TGFA: variants seen among roughly 807,000 people sequenced by gnomAD.
The protein encoded by TGFA is protransforming growth factor alpha.
A neutral mutation model predicts 21.7 loss-of-function variants in TGFA; 12 were observed. That is an observed-to-expected ratio of 0.55 (90% CI 0.35 to 0.90). The LOEUF (loss-of-function observed/expected upper bound fraction) is 0.90. Ranked by LOEUF, TGFA falls within the 40% of genes least tolerant of loss-of-function variation. The pLI is 0.01. For missense variants in TGFA, 178 were observed against 210.8 expected, an observed-to-expected ratio of 0.84 and a Z score of 0.96; for synonymous variants, 79 against 88.1, an observed-to-expected ratio of 0.90 and a Z score of 0.58.
In TGFA at chr2:70,496,063, G is replaced by A. The variant is rs11466224; in HGVS notation, c.94+18796C>T. 4.7e-3 allele frequency among the ~76,000 whole-genome samples: 714 copies of A among 152,238 alleles called. 2 individuals are homozygous for A. Among genetic ancestry groups the A allele is most frequent in the African/African-American group, 0.015 (611 of 41,544 alleles). ...CTGAGCACTGAGGAGCCTGGCTGCC[G>A]TGGAGATCTCAGCTGAATACTGCAA... On this transcript the variant is annotated intron_variant, in intron 2 of 5. Coordinates refer to ENST00000295400, the MANE Select transcript of TGFA (RefSeq NM_003236.4).
intron 2 of TGFA, among the ~76,000 whole-genome samples, chr2:70,498,131 T>C (rs1671629929): frequency 6.6e-6 from 1 of 152,170 alleles, no homozygotes; most frequent in South Asian, 2.1e-4. Flanking sequence ...GGAAACAGAA[T>C]ATTACAAAAA....
chr2:70,453,194 C>A (rs782185921), intron 5 of TGFA, 24 bp downstream of exon 5: 2 of 1,600,316 alleles, frequency 1.2e-6, no homozygotes, highest in South Asian at 1.1e-5. Context: ...AATAGTGTCT[C>A]CCACCAGAGA....
At chr2:70,462,008 T>A (rs530912349) in intron 3 of TGFA, among the ~76,000 whole-genome samples, 1 of 152,330 alleles carries the variant, frequency 6.6e-6, no homozygotes, top group South Asian at 2.1e-4. Context: ...GGATGGAGTT[T>A]AAGACTTACG....
intron 2 of TGFA, among the ~76,000 whole-genome samples, chr2:70,491,753 C>T (rs1431923885): frequency 6.6e-6 from 1 of 152,132 alleles, no homozygotes; most frequent in Non-Finnish European, 1.5e-5. Context: ...TCCTCTGGCC[C>T]CCTAAGGAAA....
chr2:70,545,261 G>A (rs1673262076), intron 1 of TGFA, among the ~76,000 whole-genome samples: 3 of 151,796 alleles, frequency 2.0e-5, no homozygotes, highest in South Asian at 4.1e-4. Context: ...AGATGAAGAC[G>A]AAGAAAAAGA....
chr2:70,476,214 T>C (rs1391155525), intron 2 of TGFA, among the ~76,000 whole-genome samples: 1 of 152,130 alleles, frequency 6.6e-6, no homozygotes, highest in African/African-American at 2.4e-5. Flanking sequence ...ATCATTTCCT[T>C]CTTTCATCTC....
chr2:70,493,123 A>T (rs1671483387), intron 2 of TGFA, among the ~76,000 whole-genome samples: 1 of 152,198 alleles, frequency 6.6e-6, no homozygotes, highest in Non-Finnish European at 1.5e-5. Context: ...AAGAATGTAC[A>T]TGATAAAACC....
At chr2:70,499,263 A>T (rs1671667597) in intron 2 of TGFA, among the ~76,000 whole-genome samples, 1 of 152,224 alleles carries the variant, frequency 6.6e-6, no homozygotes. Context: ...GTATGGCCAT[A>T]TGAGTTGTTT....
Position 70,553,788 on chromosome 2 carries a change from A to G in TGFA, c.-21T>C. ...ACCATTTTACGGGCGGGCGGGCAGCAGGCTCTCCAGCCTCCTGCCCTACCT... is the reference window on the plus strand; with the variant it reads ...ACCATTTTACGGGCGGGCGGGCAGCGGGCTCTCCAGCCTCCTGCCCTACCT... On this transcript the variant is annotated 5_prime_UTR_variant, in exon 1 of 6. Coordinates refer to ENST00000295400, the MANE Select transcript of TGFA (RefSeq NM_003236.4). 7.9e-7 allele frequency: 1 copy of G among 1,271,736 alleles called. No individual in the cohort carries two copies. Among genetic ancestry groups the G allele is most frequent in the Non-Finnish European group, 1.0e-6 (1 of 1,001,860 alleles). The allele number at this position is 1,271,736 out of a possible 1,614,324, so 78.8% of individuals were successfully genotyped here.
At chr2:70,524,957 C>T (rs1672590192) in intron 1 of TGFA, among the ~76,000 whole-genome samples, 1 of 152,176 alleles carries the variant, frequency 6.6e-6, no homozygotes, top group Admixed American at 6.5e-5. Flanking sequence ...GAATTACCAT[C>T]CTCTGGGCCC....
intron 1 of TGFA, among the ~76,000 whole-genome samples, chr2:70,552,984 C>T (rs1673561274): frequency 6.6e-6 from 1 of 152,236 alleles, no homozygotes; most frequent in African/African-American, 2.4e-5. Context: ...AAACGCACCG[C>T]TCCGCAGACC....
intron 2 of TGFA, among the ~76,000 whole-genome samples, chr2:70,478,586 A>G (rs1671008246): frequency 6.6e-6 from 1 of 152,150 alleles, no homozygotes; most frequent in Non-Finnish European, 1.5e-5. Flanking sequence ...TCCATTCTTT[A>G]GTTTTACTGG....
At chr2:70,461,596 C>T in intron 3 of TGFA, 1 of 152,214 alleles carries the variant, frequency 6.6e-6, no homozygotes, top group East Asian at 1.9e-4. Flanking sequence ...AGGTGAGAAA[C>T]TTCAAACTGG....
chr2:70,524,158 GC>G (rs1188987085), intron 1 of TGFA, among the ~76,000 whole-genome samples: 1 of 152,154 alleles, frequency 6.6e-6, no homozygotes, highest in Non-Finnish European at 1.5e-5. Context: ...GAATAAGGCT[GC>G]CCACTGATCT....
intron 2 of TGFA, among the ~76,000 whole-genome samples, chr2:70,486,309 C>T (rs1380715833): frequency 6.6e-6 from 1 of 152,214 alleles, no homozygotes; most frequent in African/African-American, 2.4e-5. Flanking sequence ...TTGCCTCCTT[C>T]CATCCGTGTC....
intron 2 of TGFA, among the ~76,000 whole-genome samples, chr2:70,473,315 A>T (rs1216105807): frequency 6.6e-6 from 1 of 152,168 alleles, no homozygotes; most frequent in African/African-American, 2.4e-5. Context: ...TTAGAGAAGT[A>T]AATGGTCTAG....
chr2:70,544,403 A>G (rs868923700), intron 1 of TGFA, among the ~76,000 whole-genome samples: 2 of 152,134 alleles, frequency 1.3e-5, no homozygotes, highest in African/African-American at 4.8e-5. Context: ...TTAAATGATC[A>G]TCTACCTAGA....
intron 1 of TGFA, among the ~76,000 whole-genome samples, chr2:70,535,212 G>A (rs1672936374): frequency 7.6e-6 from 1 of 132,256 alleles, no homozygotes; most frequent in Non-Finnish European, 1.6e-5. Flanking sequence ...TACCAAGAAG[G>A]TGCCCAAGGT....
At chr2:70,472,940 G>A (rs759767439) in intron 2 of TGFA, among the ~76,000 whole-genome samples, 5 of 152,224 alleles carry the variant, frequency 3.3e-5, no homozygotes, top group Non-Finnish European at 5.9e-5. Context: ...TAAATATTTT[G>A]TCTTCAGATA....
Sources: gnomAD v4.1 joint callset for allele counts (sites outside exome capture counted in the v4.1 genomes callset) on GRCh38, gnomAD v4.1.1 for gene constraint, MANE v1.5 for transcripts, NCBI Gene and HGNC (gene_info 2026-07-23, HGNC 2026-07-21) for gene names.